Variants in NFIB observed in about 807,000 individuals in gnomAD.
The protein encoded by NFIB is nuclear factor I B.
Under a neutral mutation model 61.5 loss-of-function variants are expected in NFIB, and 11 were observed. The observed-to-expected ratio is 0.18, with a 90% CI of 0.11 to 0.30. The LOEUF is 0.30. Among genes scored for constraint, NFIB ranks in the 10% least tolerant of loss-of-function variants. The pLI is 1.00. For synonymous variants in NFIB, 260 were observed against 216.5 expected (o/e 1.20, Z -1.76); for missense variants, 471 against 608.9 (o/e 0.77, Z 2.38).
chr9:14,099,363 T>C (rs887969856), intron 10 of NFIB, among the ~76,000 whole-genome samples: 1 of 152,226 alleles, frequency 6.6e-6, no homozygotes, highest in African/African-American at 2.4e-5. Flanking sequence ...TCTAAAGCCA[T>C]AGCCATGCCC....
chr9:14,188,590 A>G (rs549862160), intron 2 of NFIB, among the ~76,000 whole-genome samples: 1 of 152,264 alleles, frequency 6.6e-6, no homozygotes, highest in Non-Finnish European at 1.5e-5. Flanking sequence ...AGAGGGTTGT[A>G]AGATTTATAA....
chr9:14,151,000 G>A (rs987419041), intron 4 of NFIB, among the ~76,000 whole-genome samples: 1 of 152,050 alleles, frequency 6.6e-6, no homozygotes, highest in African/African-American at 2.4e-5. Context: ...AAAGCTGTGA[G>A]GCAGCATATT....
At chr9:14,218,246 A>G (rs574199960) in intron 2 of NFIB, among the ~76,000 whole-genome samples, 1 of 152,344 alleles carries the variant, frequency 6.6e-6, no homozygotes, top group South Asian at 2.1e-4. Flanking sequence ...GAAGCCAAAT[A>G]GAAAATAAAA....
At chr9:14,163,599 C>G (rs1417180933) in intron 3 of NFIB, among the ~76,000 whole-genome samples, 1 of 151,782 alleles carries the variant, frequency 6.6e-6, no homozygotes, top group East Asian at 1.9e-4. Flanking sequence ...ACCCCACATG[C>G]ACCAAAAAAT....
intron 1 of NFIB, among the ~76,000 whole-genome samples, chr9:14,391,810 G>T (rs2061626069): frequency 6.6e-6 from 1 of 152,118 alleles, no homozygotes; most frequent in Admixed American, 6.5e-5. Context: ...CTCTCAAGTT[G>T]CCTACTTGGC....
chr9:14,264,018 A>C (rs2056997678), intron 2 of NFIB, among the ~76,000 whole-genome samples: 1 of 152,222 alleles, frequency 6.6e-6, no homozygotes, highest in Non-Finnish European at 1.5e-5. Flanking sequence ...TGGTTGTCAA[A>C]TATAATAAAA....
intron 4 of NFIB, among the ~76,000 whole-genome samples, chr9:14,154,400 C>A (rs2043167703): frequency 6.6e-6 from 1 of 152,176 alleles, no homozygotes; most frequent in Non-Finnish European, 1.5e-5. Context: ...AAGACACACA[C>A]ACCCCTTCAG....
At chr9:14,258,801 A>AT (rs2132212427) in intron 2 of NFIB, among the ~76,000 whole-genome samples, 1 of 152,350 alleles carries the variant, frequency 6.6e-6, no homozygotes, top group East Asian at 1.9e-4. Context: ...TAGAAACATT[A>AT]TAAAAACAAA....
intron 1 of NFIB, among the ~76,000 whole-genome samples, chr9:14,391,722 G>A (rs1425128098): frequency 6.6e-6 from 1 of 151,938 alleles, no homozygotes; most frequent in Admixed American, 6.6e-5. Context: ...GAAGAATCAG[G>A]GGAGAAAAAA....
the NFIB span, among the ~76,000 whole-genome samples, chr9:14,431,001 G>C: frequency 6.6e-6 from 1 of 152,126 alleles, no homozygotes. Flanking sequence ...ATATGGGCAT[G>C]GAAATAATGG....
intron 1 of NFIB, among the ~76,000 whole-genome samples, chr9:14,308,293 A>G (rs990394974): frequency 2.0e-5 from 3 of 151,702 alleles, no homozygotes; most frequent in Non-Finnish European, 4.4e-5. Flanking sequence ...TGAGCAGTGC[A>G]TTCTCTCCCC....
At chr9:14,271,785 T>C (rs1412200401) in intron 2 of NFIB, among the ~76,000 whole-genome samples, 3 of 152,148 alleles carry the variant, frequency 2.0e-5, no homozygotes, top group Non-Finnish European at 4.4e-5. Context: ...TAAAACTCTA[T>C]ACAAAGCCAT....
At chr9:14,124,790 T>C (rs1302533003) in intron 7 of NFIB, among the ~76,000 whole-genome samples, 1 of 152,180 alleles carries the variant, frequency 6.6e-6, no homozygotes, top group African/African-American at 2.4e-5. Flanking sequence ...ATTTTCCTAC[T>C]TAAATTAAGA....
At chr9:14,235,003 T>C (rs7040053) in intron 2 of NFIB, among the ~76,000 whole-genome samples, 42,119 of 152,026 alleles carry the variant, frequency 0.28, 7,126 homozygotes, top group Middle Eastern at 0.46. Context: ...TCATTCATTA[T>C]TCTTGCAGTT....
intron 2 of NFIB, among the ~76,000 whole-genome samples, chr9:14,207,836 G>GT: frequency 6.6e-6 from 1 of 152,186 alleles, no homozygotes; most frequent in East Asian, 1.9e-4. Context: ...AGAAGAGCCC[G>GT]TTTCCATTGC....
chr9:14,459,317 T>C, the NFIB span, among the ~76,000 whole-genome samples: 1 of 152,220 alleles, frequency 6.6e-6, no homozygotes, highest in Admixed American at 6.5e-5. Flanking sequence ...TAGCCATATG[T>C]AGAAAGCTGA....
chr9:14,502,778 G>C, the NFIB span, among the ~76,000 whole-genome samples: 1 of 152,074 alleles, frequency 6.6e-6, no homozygotes, highest in African/African-American at 2.4e-5. Context: ...GGTGGTGCTT[G>C]GTTACATGAA....
intron 2 of NFIB, among the ~76,000 whole-genome samples, chr9:14,214,903 C>T (rs913424139): frequency 6.6e-6 from 1 of 152,204 alleles, no homozygotes; most frequent in African/African-American, 2.4e-5. Context: ...GATCTGACTT[C>T]ATAAAGTACG....
chr9:14,391,320 G>C (rs1432717424), intron 1 of NFIB, among the ~76,000 whole-genome samples: 1 of 133,306 alleles, frequency 7.5e-6, no homozygotes, highest in Non-Finnish European at 1.6e-5. Context: ...GACAAGACCA[G>C]TGCAGGAGAT....
Sources: allele counts gnomAD v4.1 joint callset (sites outside exome capture counted in the v4.1 genomes callset), GRCh38; gene constraint gnomAD v4.1.1; transcripts MANE v1.5; gene names NCBI Gene and HGNC (gene_info 2026-07-23, HGNC 2026-07-21).